GLRA3: variants seen among roughly 807,000 people sequenced by gnomAD.
The protein encoded by GLRA3 is glycine receptor subunit alpha-3.
A neutral mutation model predicts 60.4 loss-of-function variants in GLRA3; 44 were observed. The ratio of observed to expected loss-of-function variants is 0.73; its 90% CI spans 0.57 to 0.94. The LOEUF (loss-of-function observed/expected upper bound fraction) is 0.94, where lower values mean the gene tolerates loss of function less well. Ranked by LOEUF, GLRA3 falls within the 40% of genes least tolerant of loss-of-function variation. The pLI is 0.00. For missense variants in GLRA3, 508 were observed against 564.6 expected (o/e 0.90, Z 1.02); for synonymous variants, 223 against 192.9 (o/e 1.16, Z -1.29).
At chr4:174,821,558 T>C (rs1001548970) in intron 1 of GLRA3, among the ~76,000 whole-genome samples, 5 of 152,200 alleles carry the variant, frequency 3.3e-5, no homozygotes, top group Non-Finnish European at 4.4e-5. Flanking sequence ...AAAATAAATA[T>C]ATAGAGAGAG....
At chr4:174,820,142 A>G (rs1740681986) in intron 1 of GLRA3, among the ~76,000 whole-genome samples, 1 of 152,216 alleles carries the variant, frequency 6.6e-6, no homozygotes, top group Non-Finnish European at 1.5e-5. Flanking sequence ...TGAGTAAGAA[A>G]ATGAACATTT....
chr4:174,764,011 T>G (rs1176691389), intron 3 of GLRA3, among the ~76,000 whole-genome samples: 3 of 152,132 alleles, frequency 2.0e-5, no homozygotes, highest in African/African-American at 7.2e-5. Flanking sequence ...TGTAAAATAA[T>G]GAAACTGTAC....
rs536123921 is a variant in GLRA3 at position 174,731,890 on chromosome 4, C to T, written c.268-3192G>A. The stretch of plus-strand genomic sequence containing the variant: ...GGCATTGCAAATACCCAAGAAGTAT[C>T]TGAAAAAATGTTCAACCACATAAGT... On this transcript the variant is annotated intron_variant, in intron 3 of 9. Coordinates refer to ENST00000274093, the MANE Select transcript of GLRA3 (RefSeq NM_006529.4). Among the ~76,000 whole-genome samples, 6 of 152,224 alleles carry T rather than the reference C, an allele frequency of 3.9e-5. No homozygotes were observed. In the South Asian group the frequency reaches 1.2e-3, roughly 32 times the overall value.
At chr4:174,691,960 C>T (rs879666767) in intron 5 of GLRA3, among the ~76,000 whole-genome samples, 23 of 151,780 alleles carry the variant, frequency 1.5e-4, no homozygotes, top group Admixed American at 1.1e-3. Flanking sequence ...TGTCTCTGCC[C>T]GGCCGCCCAT....
intron 3 of GLRA3, among the ~76,000 whole-genome samples, chr4:174,760,476 CT>C (rs1737893488): frequency 6.6e-6 from 1 of 152,076 alleles, no homozygotes. Context: ...GGAATATACC[CT>C]GTAGAATAGC....
chr4:174,669,289 G>T (rs1057379976), intron 7 of GLRA3, among the ~76,000 whole-genome samples: 6 of 151,952 alleles, frequency 3.9e-5, no homozygotes, highest in Non-Finnish European at 7.4e-5. Context: ...CTGGACAAAA[G>T]AAAATAATAA....
At chr4:174,661,626 T>C (rs1733445234) in intron 7 of GLRA3, among the ~76,000 whole-genome samples, 1 of 152,116 alleles carries the variant, frequency 6.6e-6, no homozygotes, top group South Asian at 2.1e-4. Flanking sequence ...CCTGGTCCCA[T>C]CCCCCAATGG....
In GLRA3 at chr4:174,759,210, TC is replaced by T. The variant is rs748423379; in HGVS notation, c.267+7752del. On this transcript the variant is annotated intron_variant, in intron 3 of 9. Transcript: ENST00000274093. ...CAGGAAGAAATTAACATGTTACTAT[TC>T]CTAGGTGGTGTAATTATATGAAGAA... 3.3e-5 allele frequency among the ~76,000 whole-genome samples: 5 copies of T among 152,034 alleles called. No individual in the cohort carries two copies. The East Asian group carries it at 5.8e-4, about 18-fold the overall frequency.
intron 7 of GLRA3, among the ~76,000 whole-genome samples, chr4:174,667,316 G>A (rs904873859): frequency 2.0e-5 from 3 of 152,078 alleles, no homozygotes; most frequent in African/African-American, 7.2e-5. Flanking sequence ...TCAGGAGGGC[G>A]ATTTCTATTT....
At chr4:174,680,478 A>C (rs1469869452) in intron 6 of GLRA3, among the ~76,000 whole-genome samples, 2 of 152,220 alleles carry the variant, frequency 1.3e-5, no homozygotes, top group African/African-American at 4.8e-5. Context: ...TGGATGTTTC[A>C]AGAGTTGGCA....
chr4:174,701,025 G>A (rs1354400859), intron 5 of GLRA3, among the ~76,000 whole-genome samples: 2 of 152,158 alleles, frequency 1.3e-5, no homozygotes, highest in Non-Finnish European at 2.9e-5. Flanking sequence ...TAAGATAATT[G>A]ATGAAGGTGG....
Position 174,828,816 on chromosome 4 carries a change from C to G in GLRA3, c.-5G>C. 1 of 1,596,046 alleles carries G rather than the reference C, an allele frequency of 6.3e-7. No homozygotes were observed. ...AAAGTGTCTCACGTGGGCCATGATA[C>G]GGAGAGATATTCACGATCCTGAAAA... On this transcript the variant is annotated 5_prime_UTR_variant, in exon 1 of 10. Coordinates refer to ENST00000274093, the MANE Select transcript of GLRA3 (RefSeq NM_006529.4).
rs1239610649 is a variant in GLRA3 at position 174,640,622 on chromosome 4, T to C, written c.*3164A>G. The C allele has an allele frequency of 1.3e-5, 2 of 152,136 alleles. No individual in the cohort carries two copies. Among genetic ancestry groups the C allele is most frequent in the Non-Finnish European group, 2.9e-5 (2 of 67,992 alleles). 9.4% of individuals were successfully genotyped at this position (152,136 alleles called of 1,614,324 possible). On this transcript the variant is annotated 3_prime_UTR_variant, in exon 10 of 10. Coordinates refer to ENST00000274093, the MANE Select transcript of GLRA3 (RefSeq NM_006529.4). The stretch of plus-strand genomic sequence containing the variant: ...CTAAAGTAGTGAACAGCTTGCTCTC[T>C]TCTGTTAGTTAAACATTTAGATTAT...
chr4:174,653,756 T>C (rs1181100737), intron 9 of GLRA3, among the ~76,000 whole-genome samples: 2 of 152,116 alleles, frequency 1.3e-5, no homozygotes, highest in African/African-American at 2.4e-5. Flanking sequence ...AGACATCATA[T>C]GTTAAAAAGC....
At chr4:174,711,720 G>A (rs1455544385) in intron 5 of GLRA3, among the ~76,000 whole-genome samples, 8 of 152,196 alleles carry the variant, frequency 5.3e-5, no homozygotes, top group South Asian at 2.1e-4. Context: ...GATTAAAGGC[G>A]TGAGCCACGG....
chr4:174,822,529 T>A (rs1244888713), intron 1 of GLRA3, among the ~76,000 whole-genome samples: 2 of 152,156 alleles, frequency 1.3e-5, no homozygotes, highest in African/African-American at 4.8e-5. Context: ...AACAAGTCCT[T>A]ATCACTAGGA....
chr4:174,778,523 G>C (rs532005246), intron 2 of GLRA3, among the ~76,000 whole-genome samples: 96 of 152,226 alleles, frequency 6.3e-4, no homozygotes, highest in African/African-American at 2.2e-3. Context: ...CAGCGTGACC[G>C]ATGCAGAAGA....
chr4:174,763,513 CAA>C (rs1738017439), intron 3 of GLRA3, among the ~76,000 whole-genome samples: 1 of 152,202 alleles, frequency 6.6e-6, no homozygotes, highest in Admixed American at 6.5e-5. Context: ...CACCAAATTA[CAA>C]TTTGGTTTTT....
chr4:174,816,175 G>A (rs1740493278), intron 1 of GLRA3, among the ~76,000 whole-genome samples: 2 of 152,126 alleles, frequency 1.3e-5, no homozygotes, highest in Non-Finnish European at 2.9e-5. Context: ...CATGATGGGG[G>A]AGGACTTCTC....
Sources: gnomAD v4.1 joint callset for allele counts (sites outside exome capture counted in the v4.1 genomes callset) on GRCh38, gnomAD v4.1.1 for gene constraint, MANE v1.5 for transcripts, NCBI Gene and HGNC (gene_info 2026-07-23, HGNC 2026-07-21) for gene names.